CPEB3: variants seen among roughly 807,000 people sequenced by gnomAD.
CPEB3 encodes cytoplasmic polyadenylation element-binding protein 3.
Under a neutral mutation model 67.2 loss-of-function variants are expected in CPEB3, and 20 were observed. The observed-to-expected ratio is 0.30, with a 90% CI of 0.21 to 0.43. CPEB3 has a LOEUF of 0.43. Among genes scored for constraint, CPEB3 ranks in the 20% least tolerant of loss-of-function variants. CPEB3 has a pLI of 1.00. For missense variants in CPEB3, 746 were observed against 968.6 expected (o/e 0.77, Z 3.05); for synonymous variants, 376 against 393.1 (o/e 0.96, Z 0.51).
rs535879930 is a variant in CPEB3 at position 92,275,223 on chromosome 10, T to C, written c.-12+15703A>G. On this transcript the variant is annotated intron_variant, in intron 1 of 9. Transcript: ENST00000265997. ...TTGTGAGTGGCTCTCCTGTGCACTA[T>C]AGCATGTTTAGCAGTATCCTTGGTC... 2.6e-5 allele frequency among the ~76,000 whole-genome samples: 4 copies of C among 152,344 alleles called. No homozygotes were observed. The East Asian group carries it at 7.7e-4, about 29-fold the overall frequency.
At chr10:92,090,081 G>T (rs969711451) in intron 8 of CPEB3, among the ~76,000 whole-genome samples, 1 of 152,154 alleles carries the variant, frequency 6.6e-6, no homozygotes, top group African/African-American at 2.4e-5. Flanking sequence ...GAAGAATAAA[G>T]AGTGAATAAT....
chr10:92,097,659 G>T (rs701845), intron 7 of CPEB3, among the ~76,000 whole-genome samples: 1,985 of 152,204 alleles, frequency 0.013, 46 homozygotes, highest in African/African-American at 0.046. Context: ...AAATCTAAAA[G>T]AACTTAACAT....
intron 1 of CPEB3, among the ~76,000 whole-genome samples, chr10:92,251,331 G>A (rs140131421): frequency 4.6e-5 from 7 of 152,036 alleles, no homozygotes; most frequent in African/African-American, 1.7e-4. Context: ...CCTTCATGCT[G>A]TCCTTTCTTA....
intron 1 of CPEB3, among the ~76,000 whole-genome samples, chr10:92,286,135 C>T (rs1365095946): frequency 1.3e-5 from 2 of 151,910 alleles, no homozygotes; most frequent in African/African-American, 4.8e-5. Context: ...CAGGGTTTCA[C>T]TGTGTTAGCC....
intron 2 of CPEB3, among the ~76,000 whole-genome samples, chr10:92,218,328 A>C (rs547465554): frequency 2.2e-4 from 34 of 152,302 alleles, no homozygotes; most frequent in Middle Eastern, 6.8e-3. Context: ...AATCGCCTGA[A>C]CCTGGGAGGT....
intron 1 of CPEB3, among the ~76,000 whole-genome samples, chr10:92,285,370 A>G (rs1265505140): frequency 1.3e-5 from 2 of 152,170 alleles, no homozygotes; most frequent in African/African-American, 2.4e-5. Flanking sequence ...TCCTGGGTTC[A>G]AGTGATTCTC....
At chr10:92,231,381 C>G (rs1212219195) in intron 2 of CPEB3, among the ~76,000 whole-genome samples, 3 of 152,136 alleles carry the variant, frequency 2.0e-5, no homozygotes, top group African/African-American at 4.8e-5. Flanking sequence ...GGCAAACATC[C>G]AAAAGCCACA....
chr10:92,289,395 G>T (rs1483585604), intron 1 of CPEB3, among the ~76,000 whole-genome samples: 1 of 151,782 alleles, frequency 6.6e-6, no homozygotes, highest in Non-Finnish European at 1.5e-5. Context: ...ACAAAAATTA[G>T]CTGGGTGTGG....
chr10:92,143,144 C>A (rs1386281431), intron 5 of CPEB3, 26 bp from the exon 6 acceptor site: 1 of 1,556,368 alleles, frequency 6.4e-7, no homozygotes, highest in South Asian at 1.2e-5. Context: ...AGAATCTTAG[C>A]AAAAGAGAAA....
intron 4 of CPEB3, among the ~76,000 whole-genome samples, chr10:92,167,873 A>C (rs1847818906): frequency 6.6e-6 from 1 of 152,112 alleles, no homozygotes; most frequent in South Asian, 2.1e-4. Flanking sequence ...GCACCACTGC[A>C]CTCCAGCCTG....
At chr10:92,233,321 G>A (rs1256480858) in intron 2 of CPEB3, among the ~76,000 whole-genome samples, 1 of 152,002 alleles carries the variant, frequency 6.6e-6, no homozygotes, top group Admixed American at 6.6e-5. Context: ...TCGAGGTCAG[G>A]AGTTCAAAAC....
chr10:92,161,611 A>T (rs1847485493), intron 4 of CPEB3, among the ~76,000 whole-genome samples: 1 of 151,350 alleles, frequency 6.6e-6, no homozygotes, highest in South Asian at 2.1e-4. Flanking sequence ...GGAATTTATT[A>T]TGTACTACCT....
intron 2 of CPEB3, chr10:92,216,836 G>A: frequency 6.3e-7 from 1 of 1,586,574 alleles, no homozygotes; most frequent in Non-Finnish European, 8.6e-7. Flanking sequence ...GGAAGCTACT[G>A]GGCTGACGGC....
chr10:92,134,437 C>T (rs1364688909), intron 6 of CPEB3, among the ~76,000 whole-genome samples: 1 of 151,704 alleles, frequency 6.6e-6, no homozygotes, highest in Non-Finnish European at 1.5e-5. Context: ...AATAAAATAC[C>T]TAGGAATCCA....
At chr10:92,238,153 G>A (rs1272519587) in intron 2 of CPEB3, among the ~76,000 whole-genome samples, 1 of 152,100 alleles carries the variant, frequency 6.6e-6, no homozygotes, top group African/African-American at 2.4e-5. Context: ...ATCCAAATTG[G>A]GTCTTGTTGG....
chr10:92,268,862 T>C (rs1322231082), intron 1 of CPEB3, among the ~76,000 whole-genome samples: 2 of 152,124 alleles, frequency 1.3e-5, no homozygotes, highest in African/African-American at 4.8e-5. Context: ...TTGAGTTCCT[T>C]GGAAACACTA....
At chr10:92,275,942 G>C (rs1273631898) in intron 1 of CPEB3, among the ~76,000 whole-genome samples, 1 of 146,796 alleles carries the variant, frequency 6.8e-6, no homozygotes, top group African/African-American at 2.5e-5. Flanking sequence ...TCCGCCTCCT[G>C]GGTTCACGCC....
At chr10:92,265,824 C>G (rs1853030544) in intron 1 of CPEB3, among the ~76,000 whole-genome samples, 3 of 145,760 alleles carry the variant, frequency 2.1e-5, no homozygotes, top group African/African-American at 7.6e-5. Flanking sequence ...ACTCTTGCTA[C>G]AGTTTGAATG....
chr10:92,177,070 A>G (rs1564839895), intron 4 of CPEB3, among the ~76,000 whole-genome samples: 2 of 152,248 alleles, frequency 1.3e-5, no homozygotes, highest in Admixed American at 6.5e-5. Flanking sequence ...CCTAGAATGT[A>G]AAAAAGAAAA....
Sources: gnomAD v4.1 joint callset for allele counts (sites outside exome capture counted in the v4.1 genomes callset) on GRCh38, gnomAD v4.1.1 for gene constraint, MANE v1.5 for transcripts, NCBI Gene and HGNC (gene_info 2026-07-23, HGNC 2026-07-21) for gene names.